TUSC3: variants seen among roughly 807,000 people sequenced by gnomAD.
TUSC3 encodes the protein dolichyl-diphosphooligosaccharide--protein glycosyltransferase subunit TUSC3.
A neutral mutation model predicts 44.8 loss-of-function variants in TUSC3; 45 were observed. That is an observed-to-expected ratio of 1.00 (90% CI 0.79 to 1.29). The LOEUF (loss-of-function observed/expected upper bound fraction) is 1.29. TUSC3 is among the 50% of genes most tolerant of loss of function. The pLI is 0.00. For synonymous variants in TUSC3, 212 were observed against 152.9 expected, an observed-to-expected ratio of 1.39 and a Z score of -2.85; for missense variants, 519 against 437.9, an observed-to-expected ratio of 1.19 and a Z score of -1.65.
At chr8:15,804,749 G>C in the TUSC3 span, among the ~76,000 whole-genome samples, 17 of 152,238 alleles carry the variant, frequency 1.1e-4, no homozygotes, top group East Asian at 3.3e-3. Flanking sequence ...TTGAAGTTGG[G>C]TATTGTGATG....
chr8:15,485,000 T>C (rs1369624767), intron 2 of TUSC3, among the ~76,000 whole-genome samples: 2 of 152,310 alleles, frequency 1.3e-5, no homozygotes, highest in Middle Eastern at 3.4e-3. Flanking sequence ...TGTGAGCATC[T>C]TTTCTATGTA....
At chr8:15,815,778 A>T in the TUSC3 span, among the ~76,000 whole-genome samples, 5 of 152,162 alleles carry the variant, frequency 3.3e-5, no homozygotes, top group Non-Finnish European at 7.3e-5. Flanking sequence ...TTAGTCCCTT[A>T]TTAGAGAACT....
At chr8:15,824,296 T>G in the TUSC3 span, among the ~76,000 whole-genome samples, 5 of 152,154 alleles carry the variant, frequency 3.3e-5, no homozygotes, top group Admixed American at 1.3e-4. Context: ...TATTTATACA[T>G]AGAATGCAAA....
At chr8:15,591,132 T>G (rs1227376451) in intron 1 of TUSC3, among the ~76,000 whole-genome samples, 1 of 152,184 alleles carries the variant, frequency 6.6e-6, no homozygotes, top group Non-Finnish European at 1.5e-5. Context: ...GTCCTTTTTT[T>G]GGTTATTTCA....
At chr8:15,526,798 A>T (rs1801379255) in intron 2 of TUSC3, among the ~76,000 whole-genome samples, 1 of 152,094 alleles carries the variant, frequency 6.6e-6, no homozygotes, top group South Asian at 2.1e-4. Flanking sequence ...ACCGGTACTA[A>T]AGTTGCTTCG....
At chr8:15,450,447 A>G (rs968391152) in intron 1 of TUSC3, among the ~76,000 whole-genome samples, 1 of 152,140 alleles carries the variant, frequency 6.6e-6, no homozygotes, top group Admixed American at 6.5e-5. Context: ...GCACTTGGGG[A>G]GACCAAGGCA....
chr8:15,536,852 A>C (rs1801531095), upstream of TUSC3, among the ~76,000 whole-genome samples: 1 of 152,020 alleles, frequency 6.6e-6, no homozygotes, highest in Admixed American at 6.6e-5. Context: ...CTGGGGAGTC[A>C]TGCCCTACAA....
intron 2 of TUSC3, among the ~76,000 whole-genome samples, chr8:15,491,496 G>A (rs566425932): frequency 1.3e-5 from 2 of 151,806 alleles, no homozygotes; most frequent in East Asian, 1.9e-4. Flanking sequence ...CTACCCAAAG[G>A]TTTAGGTAAC....
At chr8:15,424,819 C>A (rs1799784038) in intron 1 of TUSC3, among the ~76,000 whole-genome samples, 1 of 151,466 alleles carries the variant, frequency 6.6e-6, no homozygotes, top group Non-Finnish European at 1.5e-5. Flanking sequence ...GCAGAGGTTG[C>A]AGTGAGCCGA....
At chr8:15,668,312 G>C (rs1807771869) in intron 5 of TUSC3, among the ~76,000 whole-genome samples, 1 of 151,418 alleles carries the variant, frequency 6.6e-6, no homozygotes, top group Admixed American at 6.6e-5. Flanking sequence ...TTTTTTTCTA[G>C]AAATCTTAAC....
chr8:15,802,402 A>G, the TUSC3 span, among the ~76,000 whole-genome samples: 1 of 152,130 alleles, frequency 6.6e-6, no homozygotes, highest in East Asian at 1.9e-4. Flanking sequence ...TGTATATAGG[A>G]AGAAATATAA....
At chr8:15,441,203 T>C (rs1195925028) in intron 1 of TUSC3, among the ~76,000 whole-genome samples, 1 of 152,202 alleles carries the variant, frequency 6.6e-6, no homozygotes, top group Non-Finnish European at 1.5e-5. Flanking sequence ...GGTCAGAAGT[T>C]CAAAACCAGT....
At chr8:15,771,038 G>A (rs1344139387), downstream of TUSC3, among the ~76,000 whole-genome samples, 1 of 152,140 alleles carries the variant, frequency 6.6e-6, no homozygotes, top group East Asian at 1.9e-4. Context: ...TCAACATGTA[G>A]AAGAAATCCT....
the TUSC3 span, among the ~76,000 whole-genome samples, chr8:15,813,373 G>C: frequency 1.5e-5 from 1 of 68,748 alleles, no homozygotes; most frequent in Admixed American, 1.9e-4. Flanking sequence ...TAGCATTTCT[G>C]AAACAAACAA....
chr8:15,815,773 C>T, the TUSC3 span, among the ~76,000 whole-genome samples: 3 of 152,012 alleles, frequency 2.0e-5, no homozygotes, highest in African/African-American at 7.3e-5. Flanking sequence ...ACATTTTAGT[C>T]CCTTATTAGA....
rs112977226 is a variant in TUSC3 at position 15,764,815 on chromosome 8, G to A, written c.*659G>A. On this transcript the variant is annotated 3_prime_UTR_variant, in exon 11 of 11. Coordinates refer to ENST00000503731, the MANE Select transcript of TUSC3 (RefSeq NM_006765.4). ...AAGTAAATGTGCATTAAAGCAGTGT[G>A]CTTCAAAGGCATCAGACGATGAAAG... The A allele has an allele frequency of 6.6e-6, 1 of 152,250 alleles. No individual in the cohort carries two copies. Among genetic ancestry groups the A allele is most frequent in the African/African-American group, 2.4e-5 (1 of 41,540 alleles). 9.4% of individuals were successfully genotyped at this position (152,250 alleles called of 1,614,324 possible).
At chr8:15,576,284 T>A (rs558122383) in intron 1 of TUSC3, among the ~76,000 whole-genome samples, 34 of 141,758 alleles carry the variant, frequency 2.4e-4, no homozygotes, top group East Asian at 6.2e-4. Flanking sequence ...CTCTTGTTTT[T>A]TTTTTTTATT....
chr8:15,715,542 T>G (rs560241781), intron 6 of TUSC3, among the ~76,000 whole-genome samples: 1 of 152,228 alleles, frequency 6.6e-6, no homozygotes, highest in East Asian at 1.9e-4. Context: ...TTCATCACAC[T>G]ACTCGGAACA....
At chr8:15,618,345 T>TACAA (rs1172164006) in intron 1 of TUSC3, among the ~76,000 whole-genome samples, 1 of 152,246 alleles carries the variant, frequency 6.6e-6, no homozygotes, top group Non-Finnish European at 1.5e-5. Flanking sequence ...TAGCTTAAAA[T>TACAA]ACAAACACAT....
Sources: allele counts gnomAD v4.1 joint callset (sites outside exome capture counted in the v4.1 genomes callset), GRCh38; gene constraint gnomAD v4.1.1; transcripts MANE v1.5; gene names NCBI Gene and HGNC (gene_info 2026-07-23, HGNC 2026-07-21).